Variants in PABIR3 observed in about 807,000 individuals in gnomAD.
PABIR3 encodes PABIR family member 3.
A neutral mutation model predicts 23.1 loss-of-function variants in PABIR3; 20 were observed. The ratio of observed to expected loss-of-function variants is 0.86; its 90% CI spans 0.61 to 1.26. PABIR3 has a LOEUF of 1.26. PABIR3 is among the 50% of genes most tolerant of loss of function. The pLI, the probability that PABIR3 is intolerant of heterozygous loss-of-function variation, is 0.00. For synonymous variants in PABIR3, 69 were observed against 68.5 expected, an observed-to-expected ratio of 1.01 and a Z score of -0.04; for missense variants, 189 against 195.4, an observed-to-expected ratio of 0.97 and a Z score of 0.20.
chrX:134,820,292 G>A (rs996653143), intron 3 of PABIR3, among the ~76,000 whole-genome samples: 2 of 111,880 alleles, frequency 1.8e-5, no homozygotes, highest in Non-Finnish European at 3.8e-5. Context: ...AGCAATACAG[G>A]TGTTTTCATT....
At chrX:134,843,464 T>C (rs2082314874) in intron 4 of PABIR3, among the ~76,000 whole-genome samples, 1 of 110,241 alleles carries the variant, frequency 9.1e-6, no homozygotes, top group Admixed American at 9.7e-5. Context: ...TCCAGTTTTC[T>C]AAACATCATT....
intron 2 of PABIR3, chrX:134,809,574 CAT>C: frequency 1.3e-6 from 1 of 753,072 alleles, no homozygotes; most frequent in Non-Finnish European, 1.6e-6. Flanking sequence ...GCATTCACTA[CAT>C]ATGTTACTAA....
At chrX:134,840,308 A>T (rs1475410226) in intron 4 of PABIR3, among the ~76,000 whole-genome samples, 2 of 110,102 alleles carry the variant, frequency 1.8e-5, no homozygotes, top group Admixed American at 9.7e-5. Flanking sequence ...TATTGTCCTG[A>T]GACCCTGCCA....
intron 9 of PABIR3, among the ~76,000 whole-genome samples, chrX:134,849,976 G>A (rs2082573293): frequency 9.7e-6 from 1 of 102,663 alleles, no homozygotes; most frequent in African/African-American, 3.6e-5. Flanking sequence ...GGGTTCAAGC[G>A]ATTCTCCTGC....
chrX:134,820,833 C>T (rs2081235537), intron 3 of PABIR3, among the ~76,000 whole-genome samples: 1 of 108,510 alleles, frequency 9.2e-6, no homozygotes, highest in Non-Finnish European at 1.9e-5. Context: ...TTAGCCTGGT[C>T]AACATAGTGA....
intron 4 of PABIR3, among the ~76,000 whole-genome samples, chrX:134,830,598 G>T (rs2148263222): frequency 1.8e-5 from 2 of 110,097 alleles, no homozygotes; most frequent in African/African-American, 6.6e-5. Flanking sequence ...CTCCCAAATT[G>T]CAGGGATTAC....
chrX:134,847,542 G>T, intron 7 of PABIR3, 67 bp downstream of exon 7: 1 of 795,437 alleles, frequency 1.3e-6, no homozygotes, highest in Non-Finnish European at 1.9e-6. Flanking sequence ...GAACATTAAT[G>T]GTCACCAAAA....
In PABIR3 at chrX:134,828,043, C is replaced by CTATA. The variant is rs369833437; in HGVS notation, c.190-1182_190-1181insATAT. Among the ~76,000 whole-genome samples, 625 of 66,430 alleles carry CTATA rather than the reference C, an allele frequency of 9.4e-3. 7 individuals are homozygous for CTATA. The highest frequency in any genetic ancestry group is 0.014 in the Admixed American group (64 of 4,599). 57.7% of individuals were successfully genotyped at this position (66,430 alleles called of 115,157 possible). ...TCTCTCTCTCTCTCTCTCTCTCTCT[C>CTATA]TCTCTATATATATATATATATATAT... On this transcript the variant is annotated intron_variant, in intron 3 of 10. Transcript: ENST00000645433.
chrX:134,832,167 C>T (rs2081812825), intron 4 of PABIR3, among the ~76,000 whole-genome samples: 1 of 109,017 alleles, frequency 9.2e-6, no homozygotes, highest in South Asian at 4.0e-4. Context: ...CTCAGCTACT[C>T]AGGAGGCTGA....
intron 1 of PABIR3, 26 bp downstream of exon 1, chrX:134,807,367 G>C: frequency 1.0e-6 from 1 of 968,577 alleles, no homozygotes; most frequent in Non-Finnish European, 1.3e-6. Context: ...ATCGTTAGAG[G>C]CCCCGATCAT....
chrX:134,836,588 C>T (rs1268653460), intron 4 of PABIR3, among the ~76,000 whole-genome samples: 3 of 111,701 alleles, frequency 2.7e-5, no homozygotes, highest in Non-Finnish European at 5.6e-5. Context: ...TAGTGTTCTC[C>T]GTGTACATGT....
At chrX:134,855,324 C>T (rs1224830930), downstream of PABIR3, among the ~76,000 whole-genome samples, 2 of 109,060 alleles carry the variant, frequency 1.8e-5, no homozygotes, top group Non-Finnish European at 3.8e-5. Flanking sequence ...ATCCCAGCTA[C>T]TCGAGAGGCT....
chrX:134,846,226 G>A (rs1298573121), intron 6 of PABIR3, among the ~76,000 whole-genome samples: 1 of 111,328 alleles, frequency 9.0e-6, no homozygotes, highest in Non-Finnish European at 1.9e-5. Context: ...CAGCATTGGG[G>A]AATTTGCCCC....
At position 134,810,732 on chromosome X, in the gene PABIR3, G is replaced by C. The variant is rs73568760; in HGVS notation, c.110+3024G>C. The stretch of plus-strand genomic sequence containing the variant: ...CCTTCCTTGGCCCTCTAATACTTGA[G>C]TACTTCCTCTTTCTAAACTATACCT... On this transcript the variant is annotated intron_variant, in intron 2 of 10. Coordinates refer to ENST00000645433, the MANE Select transcript of PABIR3 (RefSeq NM_001388447.1). The C allele has an allele frequency of 3.5e-3, 2,602 of 749,872 alleles. 40 individuals carry two copies. In the African/African-American group the frequency reaches 0.047, roughly 14 times the overall value. The allele number at this position is 749,872 out of a possible 1,213,427, so 61.8% of individuals were successfully genotyped here. A position where few individuals can be genotyped will look rare whatever the true frequency, so the allele number is the denominator to read the frequency against.
Position 134,829,256 on chromosome X carries a change from A to T in PABIR3, c.220A>T (p.Ile74Phe), listed in dbSNP as rs997733295. 1.7e-6 allele frequency: 2 copies of T among 1,209,523 alleles called. No homozygotes were observed. Among genetic ancestry groups the T allele is most frequent in the East Asian group, 5.9e-5 (2 of 33,817 alleles). Residue 74 changes from isoleucine to phenylalanine, a missense_variant, in exon 4 of 11, where the codon ATC becomes TTC. Ile to Phe is a conservative substitution (Grantham distance 21). Coordinates refer to ENST00000645433, the MANE Select transcript of PABIR3 (RefSeq NM_001388447.1). ...GCCACCTCCTCCCTTTCATGGTTCC[A>T]TCAGCCGCCTTCATCAAATCAAACA... ...LLPPPPFHGS[I>F]SRLHQIKQEE... is the part of the protein sequence containing the mutation.
At chrX:134,823,520 A>G (rs917127672) in intron 3 of PABIR3, among the ~76,000 whole-genome samples, 2 of 111,922 alleles carry the variant, frequency 1.8e-5, no homozygotes, top group South Asian at 3.6e-4. Context: ...ATCTGTATAT[A>G]TGTGTATATA....
intron 2 of PABIR3, chrX:134,811,256 A>T (rs1235427528): frequency 2.0e-6 from 1 of 508,667 alleles, no homozygotes; most frequent in Non-Finnish European, 2.4e-6. Flanking sequence ...GTCAATAACT[A>T]TACTTAAAGC....
At position 134,847,376 on chromosome X, in the gene PABIR3, TACAC is replaced by T; in HGVS notation, c.346-5_346-2del. On this transcript the variant is annotated splice_region_variant and splice_polypyrimidine_tract_variant and intron_variant, in intron 6 of 10. Transcript: ENST00000645433. ...CTACAATTGTACACTGCTTTCTGCTTACACAGAATGACAATGGCTTACAGAAATC... is the reference window on the plus strand; with the variant it reads ...CTACAATTGTACACTGCTTTCTGCTTAGAATGACAATGGCTTACAGAAATC... 8.4e-7 allele frequency: 1 copy of T among 1,192,498 alleles called. No individual in the cohort carries two copies. The highest frequency in any genetic ancestry group is 1.1e-6 in the Non-Finnish European group (1 of 879,874).
intron 4 of PABIR3, among the ~76,000 whole-genome samples, chrX:134,843,115 G>A (rs1396122352): frequency 9.1e-6 from 1 of 109,472 alleles, no homozygotes; most frequent in African/African-American, 3.3e-5. Context: ...CAGGAGAATC[G>A]CTTGAACCCA....
Sources: gnomAD v4.1 joint callset for allele counts (sites outside exome capture counted in the v4.1 genomes callset) on GRCh38, gnomAD v4.1.1 for gene constraint, MANE v1.5 for transcripts, NCBI Gene and HGNC (gene_info 2026-07-23, HGNC 2026-07-21) for gene names.